TTF2: variants seen among roughly 807,000 people sequenced by gnomAD.
TTF2 encodes RNA polymerase II termination factor.
A neutral mutation model predicts 142.4 loss-of-function variants in TTF2; 108 were observed. That is an observed-to-expected ratio of 0.76 (90% CI 0.65 to 0.89). TTF2 has a LOEUF of 0.89. TTF2 is among the 40% of genes least tolerant of loss of function. The pLI is 0.00. For synonymous variants in TTF2, 483 were observed against 506.2 expected, an observed-to-expected ratio of 0.95 and a Z score of 0.61; for missense variants, 1,327 against 1,379.8, an observed-to-expected ratio of 0.96 and a Z score of 0.61.
At chr1:117,083,802 A>G (rs1188382325) in intron 10 of TTF2, among the ~76,000 whole-genome samples, 1 of 152,210 alleles carries the variant, frequency 6.6e-6, no homozygotes, top group Non-Finnish European at 1.5e-5. Context: ...GTCAGTCAAG[A>G]GGAAGAGGTA....
At chr1:117,084,265 A>T in intron 11 of TTF2, 97 bp downstream of exon 11, 1 of 1,476,468 alleles carries the variant, frequency 6.8e-7, no homozygotes, top group Non-Finnish European at 9.3e-7. Context: ...CTTAATCAGG[A>T]CGCGTATTTG....
intron 10 of TTF2, 67 bp downstream of exon 10, chr1:117,082,014 C>A: frequency 6.2e-7 from 1 of 1,609,806 alleles, no homozygotes; most frequent in Non-Finnish European, 8.5e-7. Context: ...AGGGGAACGT[C>A]TTCAGCTAAA....
intron 15 of TTF2, 85 bp from the exon 16 acceptor site, chr1:117,091,243 T>C: frequency 5.5e-6 from 6 of 1,098,092 alleles, no homozygotes; most frequent in Non-Finnish European, 7.7e-6. Flanking sequence ...TCTTCTATAA[T>C]TTGTCAAGAT....
rs1371398403 is a variant in TTF2 at position 117,074,854 on chromosome 1, ATTATT to A, written c.286-13_286-9del. On this transcript the variant is annotated splice_polypyrimidine_tract_variant and intron_variant, in intron 4 of 22. Coordinates refer to ENST00000369466, the MANE Select transcript of TTF2 (RefSeq NM_003594.4). ...GTATTAATATTTTATATGAAGATTAATTATTTTGTCTTTAGGATCCTGATTCCAAA... is the reference window on the plus strand; with the variant it reads ...GTATTAATATTTTATATGAAGATTAATTGTCTTTAGGATCCTGATTCCAAA... 6.5e-7 allele frequency: 1 copy of A among 1,545,136 alleles called. No individual in the cohort carries two copies. The highest frequency in any genetic ancestry group is 1.4e-5 in the African/African-American group (1 of 71,432).
At chr1:117,064,719 A>G (rs762509086) in intron 3 of TTF2, among the ~76,000 whole-genome samples, 5 of 151,730 alleles carry the variant, frequency 3.3e-5, no homozygotes, top group Non-Finnish European at 5.9e-5. Flanking sequence ...GAGTTTCACC[A>G]TGTTGCCCAG....
rs1649990175 is a variant in TTF2, at chr1:117,106,948, C to T, written c.*5424C>T. On this transcript the variant is annotated 3_prime_UTR_variant, in exon 23 of 23. Transcript: ENST00000369466. Reference sequence around the variant, plus strand: ...TATCCAAGACAGCCAAGGTGTTTATCCTGTTACAACATCCCAGAGGACAGA... The same window carrying T: ...TATCCAAGACAGCCAAGGTGTTTATTCTGTTACAACATCCCAGAGGACAGA... 1.3e-5 allele frequency: 2 copies of T among 152,210 alleles called. No individual in the cohort carries two copies. The highest frequency in any genetic ancestry group is 2.1e-4 in the South Asian group (1 of 4,822). The allele number at this position is 152,210 out of a possible 1,614,324, so 9.4% of individuals were successfully genotyped here.
chr1:117,099,471 C>T lies in TTF2; in HGVS notation c.3344+564C>T, dbSNP rs1233286656. Among the ~76,000 whole-genome samples, 1 of 152,154 alleles carries T rather than the reference C, an allele frequency of 6.6e-6. No homozygotes were observed. Among genetic ancestry groups the T allele is most frequent in the Non-Finnish European group, 1.5e-5 (1 of 68,038 alleles). On this transcript the variant is annotated intron_variant, in intron 22 of 22. Transcript: ENST00000369466. The surrounding 1 kb of genome is among the most constrained non-coding windows in gnomAD (Gnocchi z 4.3). The stretch of plus-strand genomic sequence containing the variant: ...TCAATCTCACTTGTCTCAGTGATGT[C>T]CTTCACAGCAAAAAAGAATCCCAGA...
intron 18 of TTF2, among the ~76,000 whole-genome samples, chr1:117,094,412 A>G (rs1305574168): frequency 6.6e-6 from 1 of 152,116 alleles, no homozygotes; most frequent in Non-Finnish European, 1.5e-5. Flanking sequence ...GGTTTTTCAC[A>G]TGAGCAGCTG....
rs768178168 is a variant in TTF2, at chr1:117,073,778, T to G, written c.285+51T>G. On this transcript the variant is annotated intron_variant, in intron 4 of 22. Transcript: ENST00000369466. This position sits in a 1 kb window ranked among gnomAD's most constrained non-coding sequence, Gnocchi z 4.4. ...ACCTGCTGTGTTAAGACTTTTAATA[T>G]GCAGCATCACCTGAAAATACCTTGA... 1.3e-6 allele frequency: 2 copies of G among 1,537,740 alleles called. No homozygotes were observed. The highest frequency in any genetic ancestry group is 3.4e-5 in the Admixed American group (2 of 59,022).
chr1:117,091,835 C>T lies in TTF2; in HGVS notation c.2690C>T (p.Ser897Phe), dbSNP rs763078798. The T allele has an allele frequency of 3.1e-6, 5 of 1,613,628 alleles. No individual in the cohort carries two copies. The highest frequency in any genetic ancestry group is 4.2e-6 in the Non-Finnish European group (5 of 1,179,830). Residue 897 changes from serine to phenylalanine, a missense_variant, in exon 17 of 23, where the codon TCT (serine) becomes TTT (phenylalanine). Transcript: ENST00000369466. ...PFSRVALEFG[S>F]EEPRHSEAAD... ...TTGGAAGTGGCACTGGAGTTTGGGTCTGAGGAGCCTAGACACTCGGAGGCA... is the reference window on the plus strand; with the variant it reads ...TTGGAAGTGGCACTGGAGTTTGGGTTTGAGGAGCCTAGACACTCGGAGGCA...
At position 117,095,373 on chromosome 1, in the gene TTF2, T is replaced by C. The variant is rs1649025940; in HGVS notation, c.3035+6T>C. The C allele has an allele frequency of 6.2e-7, 1 of 1,613,850 alleles. No homozygotes were observed. The highest frequency in any genetic ancestry group is 8.5e-7 in the Non-Finnish European group (1 of 1,179,688). On this transcript the variant is annotated splice_donor_region_variant and intron_variant, in intron 19 of 22. Coordinates refer to ENST00000369466, the MANE Select transcript of TTF2 (RefSeq NM_003594.4). ...AATTCAGCATCCCAAAAGAGGTAAC[T>C]GCGTTTTCTCATTATCCAAGTATTG...
intron 20 of TTF2, among the ~76,000 whole-genome samples, chr1:117,096,597 T>A (rs1049422856): frequency 1.3e-5 from 2 of 152,192 alleles, no homozygotes; most frequent in Admixed American, 6.5e-5. Flanking sequence ...AGGCTGGTCT[T>A]GAACTCCTGA....
In TTF2 at chr1:117,085,357, C is replaced by T. The variant is rs1647912845; in HGVS notation, c.2055-1060C>T. Among the ~76,000 whole-genome samples the T allele has an allele frequency of 6.6e-6, 1 of 152,130 alleles. No individual in the cohort carries two copies. Among genetic ancestry groups the T allele is most frequent in the Admixed American group, 6.5e-5 (1 of 15,270 alleles). ...TCACTTGAGCTCAGGAGTTCGAGAC[C>T]AGCCTAGGCAACATGGTGAAACCCA... On this transcript the variant is annotated intron_variant, in intron 11 of 22. Transcript: ENST00000369466. The surrounding 1 kb of genome is among the most constrained non-coding windows in gnomAD (Gnocchi z 4.7).
rs374865786 is a variant in TTF2 at position 117,076,731 on chromosome 1, C to G, written c.1481C>G (p.Pro494Arg). Reference protein sequence around the residue: ...TGPPHLVPPQPLPRRGTQPVG... With the variant: ...TGPPHLVPPQRLPRRGTQPVG... ...CCTCCCCACCTGGTGCCTCCCCAAC[C>G]CCTTCCTCGTCGTGGTACCCAACCT... Residue 494 changes from proline to arginine, a missense_variant, in exon 7 of 23, where the codon CCC becomes CGC. Transcript: ENST00000369466. This position sits in a 1 kb window ranked among gnomAD's most constrained non-coding sequence, Gnocchi z 4.6. 5.0e-6 allele frequency: 8 copies of G among 1,614,066 alleles called. No individual in the cohort carries two copies. The highest frequency in any genetic ancestry group is 5.9e-6 in the Non-Finnish European group (7 of 1,180,026).
Position 117,097,246 on chromosome 1 carries a change from T to C in TTF2, c.3187-105T>C. The C allele has an allele frequency of 3.3e-6, 3 of 923,062 alleles. No individual in the cohort carries two copies. The allele number at this position is 923,062 out of a possible 1,614,324, so 57.2% of individuals were successfully genotyped here. ...TTTATAACAGCAGAAGGAAATTTGA[T>C]AGGAACACAGTGCTTATCTGTATTG... On this transcript the variant is annotated intron_variant, in intron 20 of 22. Coordinates refer to ENST00000369466, the MANE Select transcript of TTF2 (RefSeq NM_003594.4). The surrounding 1 kb of genome is among the most constrained non-coding windows in gnomAD (Gnocchi z 4.1).
chr1:117,091,739 C>T, intron 16 of TTF2, 78 bp from the exon 17 acceptor site: 22 of 1,517,482 alleles, frequency 1.4e-5, no homozygotes, highest in Non-Finnish European at 2.0e-5. Flanking sequence ...TTAAAGTAGC[C>T]CCATGTAGTT....
chr1:117,072,436 T>TG (rs1656662340), intron 3 of TTF2, among the ~76,000 whole-genome samples: 1 of 147,968 alleles, frequency 6.8e-6, no homozygotes, highest in Non-Finnish European at 1.5e-5. Context: ...TTTTTTTTTT[T>TG]TTTTTTTGAG....
Position 117,086,476 on chromosome 1 carries a change from C to T in TTF2, c.2114C>T (p.Thr705Ile). ...AGCCTCGTGGCCAAGGAGATTCCCA[C>T]AAACAAGCAAGAGGCAGAGATCCCA... Reference protein sequence around the residue: ...TYSLVAKEIPTNKQEAEIPGA... With the variant: ...TYSLVAKEIPINKQEAEIPGA... Residue 705 changes from threonine to isoleucine, a missense_variant, in exon 12 of 23, where the codon ACA (threonine) becomes ATA (isoleucine). Transcript: ENST00000369466. This position sits in a 1 kb window ranked among gnomAD's most constrained non-coding sequence, Gnocchi z 4.2. 1 of 1,614,114 alleles carries T rather than the reference C, an allele frequency of 6.2e-7. No individual in the cohort carries two copies. The highest frequency in any genetic ancestry group is 1.3e-5 in the African/African-American group (1 of 75,038).
At chr1:117,098,713 C>A in intron 21 of TTF2, 120 bp from the exon 22 acceptor site, 1 of 815,864 alleles carries the variant, frequency 1.2e-6, no homozygotes, top group Non-Finnish European at 2.0e-6. Context: ...CCCTTTAAAA[C>A]TGTAACAATA....
Sources: allele counts gnomAD v4.1 joint callset (sites outside exome capture counted in the v4.1 genomes callset), GRCh38; gene constraint gnomAD v4.1.1; non-coding constraint Gnocchi (gnomAD v3.1); transcripts MANE v1.5; gene names NCBI Gene and HGNC (gene_info 2026-07-23, HGNC 2026-07-21).